SMYD3: variants seen among roughly 807,000 people sequenced by gnomAD.
SMYD3 encodes histone-lysine N-methyltransferase SMYD3.
SMYD3 carries 36 observed loss-of-function variants against 57.7 expected under a neutral mutation model. The ratio of observed to expected loss-of-function variants is 0.62; its 90% confidence interval spans 0.48 to 0.82. The LOEUF (loss-of-function observed/expected upper bound fraction) is 0.82, where lower values mean the gene tolerates loss of function less well. SMYD3 is among the 40% of genes least tolerant of loss of function. The probability of loss-of-function intolerance (pLI) is 0.00; values close to 1 mark genes in which losing one functional copy is unlikely to be tolerated. For synonymous variants in SMYD3, 211 were observed against 195.0 expected (o/e 1.08, Z -0.68); for missense variants, 515 against 538.8 (o/e 0.96, Z 0.44).
chr1:246,020,117 G>A (rs138511880), intron 5 of SMYD3, among the ~76,000 whole-genome samples: 116 of 152,308 alleles, frequency 7.6e-4, no homozygotes, highest in African/African-American at 2.6e-3. Context: ...CCGTCTGAAC[G>A]TAATCCTGTC....
intron 5 of SMYD3, among the ~76,000 whole-genome samples, chr1:246,225,797 A>G (rs1398633078): frequency 6.6e-6 from 1 of 152,144 alleles, no homozygotes; most frequent in Non-Finnish European, 1.5e-5. Flanking sequence ...GGTTTTGCGG[A>G]GGGATTCGTA....
intron 2 of SMYD3, among the ~76,000 whole-genome samples, chr1:246,339,351 G>T (rs369423720): frequency 3.7e-4 from 57 of 152,054 alleles, no homozygotes; most frequent in African/African-American, 1.3e-3. Context: ...TTTTATCATA[G>T]GTTTTAATTT....
chr1:245,955,145 G>A (rs1170035070), intron 5 of SMYD3, among the ~76,000 whole-genome samples: 2 of 152,160 alleles, frequency 1.3e-5, no homozygotes, highest in Non-Finnish European at 1.5e-5. Flanking sequence ...AGGCTGGACT[G>A]CAGTGGCGCG....
intron 5 of SMYD3, among the ~76,000 whole-genome samples, chr1:246,103,340 T>C (rs2061052918): frequency 6.6e-6 from 1 of 152,176 alleles, no homozygotes; most frequent in Admixed American, 6.5e-5. Flanking sequence ...ATTAAGGCTA[T>C]CGAGAGTGAT....
At chr1:246,073,896 C>T (rs539563225) in intron 5 of SMYD3, among the ~76,000 whole-genome samples, 10 of 152,242 alleles carry the variant, frequency 6.6e-5, no homozygotes, top group African/African-American at 2.4e-4. Flanking sequence ...TCTGGCGCAA[C>T]CATATGCCCA....
chr1:246,038,413 T>C (rs1260496617), intron 5 of SMYD3, among the ~76,000 whole-genome samples: 2 of 151,982 alleles, frequency 1.3e-5, no homozygotes, highest in African/African-American at 2.4e-5. Context: ...AAAAACTCTT[T>C]CTTAAAAAGC....
At chr1:245,798,431 C>A in intron 10 of SMYD3, among the ~76,000 whole-genome samples, 1 of 136,910 alleles carries the variant, frequency 7.3e-6, no homozygotes, top group Non-Finnish European at 1.5e-5. Flanking sequence ...CACCCCCACA[C>A]ACATACACAC....
intron 5 of SMYD3, among the ~76,000 whole-genome samples, chr1:246,311,201 T>C (rs2065070163): frequency 6.6e-6 from 1 of 152,226 alleles, no homozygotes; most frequent in Admixed American, 6.5e-5. Context: ...AACTAAAAGA[T>C]AATTTTTAAC....
intron 7 of SMYD3, among the ~76,000 whole-genome samples, chr1:245,926,740 A>C (rs1439319787): frequency 1.3e-5 from 2 of 152,220 alleles, no homozygotes; most frequent in Non-Finnish European, 2.9e-5. Context: ...TTGTTTTTTA[A>C]TTTGCAAAAA....
chr1:245,892,712 T>C (rs1387403612), intron 8 of SMYD3, among the ~76,000 whole-genome samples: 1 of 152,204 alleles, frequency 6.6e-6, no homozygotes, highest in African/African-American at 2.4e-5. Flanking sequence ...AAGAACATTA[T>C]GCATACACAT....
intron 1 of SMYD3, among the ~76,000 whole-genome samples, chr1:246,474,393 C>A (rs533550557): frequency 4.3e-4 from 65 of 151,986 alleles, no homozygotes; most frequent in African/African-American, 1.5e-3. Context: ...GTGGCACGTG[C>A]CTATAGTCCC....
At chr1:246,065,774 T>C (rs1451524626) in intron 5 of SMYD3, among the ~76,000 whole-genome samples, 1 of 152,168 alleles carries the variant, frequency 6.6e-6, no homozygotes, top group African/African-American at 2.4e-5. Context: ...TGACAGACAT[T>C]CCTTGACAAC....
intron 1 of SMYD3, among the ~76,000 whole-genome samples, chr1:246,475,126 G>A (rs901784874): frequency 1.3e-5 from 2 of 151,932 alleles, no homozygotes; most frequent in Admixed American, 6.6e-5. Flanking sequence ...TGACCACCCT[G>A]ACCAACATGG....
chr1:245,995,559 C>T (rs1221651032), intron 5 of SMYD3, among the ~76,000 whole-genome samples: 10 of 152,206 alleles, frequency 6.6e-5, no homozygotes, highest in South Asian at 4.1e-4. Flanking sequence ...CTTTGCATTG[C>T]CTTTCTTTTT....
chr1:246,039,624 ATGGG>A (rs990237374), intron 5 of SMYD3, among the ~76,000 whole-genome samples: 9 of 152,282 alleles, frequency 5.9e-5, no homozygotes, highest in Admixed American at 5.9e-4. Context: ...CTAAGCGCCA[ATGGG>A]TAAGACTCAC....
intron 5 of SMYD3, among the ~76,000 whole-genome samples, chr1:245,970,290 C>T (rs2058264983): frequency 6.6e-6 from 1 of 152,196 alleles, no homozygotes; most frequent in Non-Finnish European, 1.5e-5. Context: ...CCCTTCCTTA[C>T]ACCTTATACA....
At chr1:246,162,768 C>T (rs1558279863) in intron 5 of SMYD3, among the ~76,000 whole-genome samples, 1 of 152,146 alleles carries the variant, frequency 6.6e-6, no homozygotes, top group African/African-American at 2.4e-5. Context: ...TTCAACCGTA[C>T]CATATAACCT....
chr1:246,233,196 A>G (rs369350045), intron 5 of SMYD3, among the ~76,000 whole-genome samples: 4,070 of 111,566 alleles, frequency 0.036, 381 homozygotes, highest in African/African-American at 0.13. Flanking sequence ...GAGGAGAAGC[A>G]CTCCTTCAAT....
intron 1 of SMYD3, among the ~76,000 whole-genome samples, chr1:246,492,604 C>A (rs1203656148): frequency 6.6e-6 from 1 of 152,194 alleles, no homozygotes; most frequent in African/African-American, 2.4e-5. Context: ...AAGGTTAACA[C>A]AGGTTTAGAT....
Sources: gnomAD v4.1 joint callset for allele counts (sites outside exome capture counted in the v4.1 genomes callset) on GRCh38, gnomAD v4.1.1 for gene constraint, MANE v1.5 for transcripts, NCBI Gene and HGNC (gene_info 2026-07-23, HGNC 2026-07-21) for gene names.